The following PRKCB variants were observed in gnomAD, a reference collection of about 807,000 sequenced individuals.
The protein encoded by PRKCB is protein kinase C beta, also known as protein kinase C beta type.
A neutral mutation model predicts 81.5 loss-of-function variants in PRKCB; 13 were observed. The ratio of observed to expected loss-of-function variants is 0.16; its 90% CI spans 0.10 to 0.25. The LOEUF is 0.25. Ranked by LOEUF, PRKCB falls within the 10% of genes least tolerant of loss-of-function variation. The pLI is 1.00. For synonymous variants in PRKCB, 335 were observed against 321.4 expected, an observed-to-expected ratio of 1.04 and a Z score of -0.45; for missense variants, 509 against 875.7, an observed-to-expected ratio of 0.58 and a Z score of 5.29.
At position 24,217,089 on chromosome 16, in the gene PRKCB, A is replaced by G. The variant is rs1968238964; in HGVS notation, c.*2273A>G. The G allele has an allele frequency of 1.7e-5, 17 of 984,840 alleles. No homozygotes were observed. Among genetic ancestry groups the G allele is most frequent in the Non-Finnish European group, 2.0e-5 (17 of 829,698 alleles). The allele number at this position is 984,840 out of a possible 1,614,324, so 61.0% of individuals were successfully genotyped here. A position where few individuals can be genotyped will look rare whatever the true frequency, so the allele number is the denominator to read the frequency against. ...AACAATGTAGGATGAATGGAAAGAG[A>G]AAGAAAGGAAAGAAAGAAGAAAAAG... On this transcript the variant is annotated 3_prime_UTR_variant, in exon 17 of 17. Coordinates refer to ENST00000643927, the MANE Select transcript of PRKCB (RefSeq NM_002738.7).
At chr16:23,980,377 G>C (rs28545356) in intron 2 of PRKCB, among the ~76,000 whole-genome samples, 1 of 152,092 alleles carries the variant, frequency 6.6e-6, no homozygotes, top group Non-Finnish European at 1.5e-5. Context: ...GGAAAGAGTG[G>C]TTCTCCCAGC....
chr16:23,943,914 C>T (rs751513087), intron 2 of PRKCB, among the ~76,000 whole-genome samples: 4 of 152,150 alleles, frequency 2.6e-5, no homozygotes, highest in Non-Finnish European at 5.9e-5. Context: ...ATGGGGAAGG[C>T]ACCAGGTCCC....
intron 7 of PRKCB, among the ~76,000 whole-genome samples, chr16:24,103,842 G>T (rs922280653): frequency 9.9e-5 from 15 of 152,062 alleles, no homozygotes; most frequent in Non-Finnish European, 2.2e-4. Context: ...TTTCACTCTT[G>T]TTGCCCAGGC....
At chr16:24,003,884 T>C (rs1385893706) in intron 3 of PRKCB, among the ~76,000 whole-genome samples, 1 of 152,204 alleles carries the variant, frequency 6.6e-6, no homozygotes, top group Non-Finnish European at 1.5e-5. Context: ...ATAAGCTTGC[T>C]TAACCACAAT....
Position 24,219,204 on chromosome 16 carries a change from A to C in PRKCB, c.*4388A>C. 1 of 985,310 alleles carries C rather than the reference A, an allele frequency of 1.0e-6. No homozygotes were observed. The highest frequency in any genetic ancestry group is 4.7e-5 in the South Asian group (1 of 21,286). The allele number at this position is 985,310 out of a possible 1,614,324, so 61.0% of individuals were successfully genotyped here. The stretch of plus-strand genomic sequence containing the variant: ...CCACCTCCCTACTGAACAAAAAAAG[A>C]AATGCCAGACTTACTAGGAGAATCG... On this transcript the variant is annotated 3_prime_UTR_variant, in exon 17 of 17. Transcript: ENST00000643927.
intron 2 of PRKCB, among the ~76,000 whole-genome samples, chr16:23,935,803 A>G (rs1166866843): frequency 1.3e-5 from 2 of 152,174 alleles, no homozygotes; most frequent in African/African-American, 4.8e-5. Context: ...GCATATTCTC[A>G]CTGATAAGGG....
At chr16:23,943,907 G>A (rs914486472) in intron 2 of PRKCB, among the ~76,000 whole-genome samples, 1 of 152,154 alleles carries the variant, frequency 6.6e-6, no homozygotes, top group Non-Finnish European at 1.5e-5. Context: ...AGATCACATG[G>A]GGAAGGCACC....
chr16:24,112,734 T>C (rs746428448), intron 7 of PRKCB, among the ~76,000 whole-genome samples: 2 of 152,182 alleles, frequency 1.3e-5, no homozygotes, highest in Non-Finnish European at 2.9e-5. Flanking sequence ...GTACATGTGA[T>C]ATACATTTTT....
intron 3 of PRKCB, among the ~76,000 whole-genome samples, chr16:24,004,478 C>CAAA (rs71154264): frequency 1.9e-3 from 88 of 47,072 alleles, no homozygotes; most frequent in Middle Eastern, 0.016. Context: ...CAAGTCTCTA[C>CAAA]AAAAAAAAAA....
At chr16:24,210,918 G>T (rs1294469242) in intron 16 of PRKCB, among the ~76,000 whole-genome samples, 2 of 152,208 alleles carry the variant, frequency 1.3e-5, no homozygotes, top group Admixed American at 1.3e-4. Flanking sequence ...GTTCCATGAA[G>T]CATGGATTTT....
At chr16:23,869,086 G>C (rs1434727636) in intron 2 of PRKCB, 1 of 453,568 alleles carries the variant, frequency 2.2e-6, no homozygotes, top group East Asian at 6.9e-5. Context: ...TTCACACATG[G>C]CTATGTGACA....
intron 3 of PRKCB, among the ~76,000 whole-genome samples, chr16:24,027,949 T>C (rs893358462): frequency 6.6e-6 from 1 of 151,998 alleles, no homozygotes; most frequent in Non-Finnish European, 1.5e-5. Flanking sequence ...TACATATATA[T>C]AGTAGAGACA....
At chr16:24,074,266 T>A (rs1241100189) in intron 5 of PRKCB, among the ~76,000 whole-genome samples, 1 of 152,176 alleles carries the variant, frequency 6.6e-6, no homozygotes, top group Non-Finnish European at 1.5e-5. Context: ...CCCAGATGGA[T>A]CTTCCGAGGC....
rs572739371 is a variant in PRKCB, at chr16:23,892,650, C to T, written c.205+55244C>T. Among the ~76,000 whole-genome samples the T allele has an allele frequency of 9.9e-5, 15 of 152,270 alleles. No individual in the cohort carries two copies. The South Asian group carries it at 1.0e-3, about 11-fold the overall frequency. On this transcript the variant is annotated intron_variant, in intron 2 of 16. Transcript: ENST00000643927. ...AGGCAGATGGTCTTATTTATTACTTCGTTCAATATATAGATTTTTGAGTGC... is the reference window on the plus strand; with the variant it reads ...AGGCAGATGGTCTTATTTATTACTTTGTTCAATATATAGATTTTTGAGTGC...
intron 2 of PRKCB, among the ~76,000 whole-genome samples, chr16:23,876,412 TAA>T (rs1267628561): frequency 6.6e-6 from 1 of 152,182 alleles, no homozygotes; most frequent in Non-Finnish European, 1.5e-5. Context: ...AATGCTTTGT[TAA>T]ACTCCAGGGA....
chr16:23,950,132 A>AGTTTTTTTTTT lies in PRKCB; in HGVS notation c.206-38376_206-38375insGTTTTTTTTTT, dbSNP rs55986931. The stretch of plus-strand genomic sequence containing the variant: ...AGCAGCATTGGCCCCTATGATTTGA[A>AGTTTTTTTTTT]TTTTTTTTTTTTTTTTTTTTTTTTT... On this transcript the variant is annotated intron_variant, in intron 2 of 16. Transcript: ENST00000643927. Among the ~76,000 whole-genome samples the AGTTTTTTTTTT allele has an allele frequency of 3.5e-4, 34 of 97,774 alleles. 8 individuals are homozygous for AGTTTTTTTTTT. Among genetic ancestry groups the AGTTTTTTTTTT allele is most frequent in the Non-Finnish European group, 3.9e-4 (20 of 51,194 alleles). The allele number at this position is 97,774 out of a possible 152,430, so 64.1% of individuals were successfully genotyped here.
chr16:24,085,780 A>G (rs1211958375), intron 5 of PRKCB, among the ~76,000 whole-genome samples: 2 of 152,200 alleles, frequency 1.3e-5, no homozygotes, highest in Non-Finnish European at 2.9e-5. Context: ...AGGTCTAGCC[A>G]TTGCTAACTT....
chr16:24,199,667 C>A (rs1347068529), intron 16 of PRKCB, among the ~76,000 whole-genome samples: 1 of 152,154 alleles, frequency 6.6e-6, no homozygotes, highest in Non-Finnish European at 1.5e-5. Context: ...AAATATATTG[C>A]ATTTTTGTCT....
intron 5 of PRKCB, among the ~76,000 whole-genome samples, chr16:24,045,106 G>A (rs1374892751): frequency 2.6e-5 from 4 of 151,848 alleles, no homozygotes; most frequent in Admixed American, 6.6e-5. Flanking sequence ...TATCATTTCC[G>A]CAATTTTTGA....
Sources: allele counts gnomAD v4.1 joint callset (sites outside exome capture counted in the v4.1 genomes callset), GRCh38; gene constraint gnomAD v4.1.1; transcripts MANE v1.5; gene names NCBI Gene and HGNC (gene_info 2026-07-23, HGNC 2026-07-21).